Variants in C1QTNF2 observed in about 807,000 individuals in gnomAD.
C1QTNF2 encodes the protein complement C1q tumor necrosis factor-related protein 2.
In C1QTNF2, 15 loss-of-function variants were observed where a neutral mutation model predicts 17.4. The observed-to-expected ratio is 0.86, with a 90% CI of 0.58 to 1.33. The LOEUF (loss-of-function observed/expected upper bound fraction) is 1.33. C1QTNF2 is among the 40% of genes most tolerant of loss of function. The pLI is 0.00. For missense variants in C1QTNF2, 381 were observed against 392.3 expected (o/e 0.97, Z 0.24); for synonymous variants, 154 against 163.3 (o/e 0.94, Z 0.44).
chr5:160,354,783 C>A lies in C1QTNF2; in HGVS notation c.229G>T (p.Asp77Tyr). The change falls in exon 2 of 3, where the codon GAC becomes TAC. Residue 77 changes from aspartate to tyrosine, a missense_variant. Physicochemically the swap from Asp to Tyr is radical, Grantham distance 160. Transcript: ENST00000652664. ...GGCCTCTTACCTTCCTCTCCGCTGT[C>A]CCCCCGGTCGCCGTCGTGTCCATCT... ...GQDGHDGDRG[D>Y]SGEEGPPGRT... 1.2e-6 allele frequency: 2 copies of A among 1,613,478 alleles called. No individual in the cohort carries two copies. Among genetic ancestry groups the A allele is most frequent in the Admixed American group, 1.7e-5 (1 of 59,990 alleles).
rs1328095604 is a variant in C1QTNF2, at chr5:160,347,832, T to G, written c.*1336A>C. ...TGGAGTGCAGTGGCAGGATCTCAGC[T>G]AACTGCAACCTCCACCTCCTGGGTT... On this transcript the variant is annotated 3_prime_UTR_variant, in exon 3 of 3. Coordinates refer to ENST00000652664, the MANE Select transcript of C1QTNF2 (RefSeq NM_031908.6). 1 of 149,916 alleles carries G rather than the reference T, an allele frequency of 6.7e-6. No homozygotes were observed. The highest frequency in any genetic ancestry group is 2.4e-5 in the African/African-American group (1 of 40,844). The allele number at this position is 149,916 out of a possible 1,614,324, so 9.3% of individuals were successfully genotyped here.
chr5:160,349,814 TC>T lies in C1QTNF2; in HGVS notation c.245-34del, dbSNP rs1426794253. 1.3e-6 allele frequency: 2 copies of T among 1,509,114 alleles called. No homozygotes were observed. The highest frequency in any genetic ancestry group is 4.5e-5 in the Admixed American group (2 of 44,242). The allele number at this position is 1,509,114 out of a possible 1,614,324, so 93.5% of individuals were successfully genotyped here. On this transcript the variant is annotated intron_variant, in intron 2 of 2. Transcript: ENST00000652664. This position sits in a 1 kb window ranked among gnomAD's most constrained non-coding sequence, Gnocchi z 4.3. ...ACAGAGCAGCTGGTGTTATGGAGGG[TC>T]CTCACAGACCTAGGCAGAGGGGTGC...
intron 1 of C1QTNF2, among the ~76,000 whole-genome samples, chr5:160,363,428 C>T (rs1272089415): frequency 6.6e-6 from 1 of 152,168 alleles, no homozygotes; most frequent in East Asian, 1.9e-4. Context: ...GACAGGATGC[C>T]TCAGAAAATA....
In C1QTNF2 at chr5:160,364,338, C is replaced by T. The variant is rs1010497249; in HGVS notation, c.-10+6174G>A. ...CTTTACACGTTACTTAATCTCTCCC[C>T]TTCAGTCTCCTCCTCTCCAACATGA... On this transcript the variant is annotated intron_variant, in intron 1 of 2. Transcript: ENST00000652664. Among the ~76,000 whole-genome samples, 6 of 152,304 alleles carry T rather than the reference C, an allele frequency of 3.9e-5. No homozygotes were observed. In the East Asian group the frequency reaches 1.2e-3, roughly 29 times the overall value.
intron 1 of C1QTNF2, among the ~76,000 whole-genome samples, chr5:160,358,973 G>A (rs946099228): frequency 2.6e-5 from 4 of 152,018 alleles, no homozygotes; most frequent in African/African-American, 7.2e-5. Flanking sequence ...TAGAGATGGG[G>A]TCTTGCCATG....
chr5:160,360,796 C>CTTT (rs5872641), intron 1 of C1QTNF2, among the ~76,000 whole-genome samples: 1 of 136,472 alleles, frequency 7.3e-6, no homozygotes. Flanking sequence ...TGGATGAGTT[C>CTTT]TTTTTTTTTT....
At chr5:160,354,597 A>AT (rs769774870) in intron 2 of C1QTNF2, among the ~76,000 whole-genome samples, 171 bp downstream of exon 2, 23 of 89,260 alleles carry the variant, frequency 2.6e-4, no homozygotes, top group East Asian at 3.8e-4. Flanking sequence ...AAAAAAAAAA[A>AT]GTATATATAT....
chr5:160,360,855 C>T (rs544537812), intron 1 of C1QTNF2, among the ~76,000 whole-genome samples: 2 of 147,186 alleles, frequency 1.4e-5, no homozygotes, highest in Admixed American at 6.9e-5. Context: ...AGTGCAGTGG[C>T]GCAATCTCAG....
chr5:160,354,092 C>T (rs1019976073), intron 2 of C1QTNF2, among the ~76,000 whole-genome samples: 5 of 152,108 alleles, frequency 3.3e-5, no homozygotes, highest in Non-Finnish European at 7.3e-5. Flanking sequence ...GTGTGAGCCA[C>T]CGCGCCTGGC....
intron 1 of C1QTNF2, among the ~76,000 whole-genome samples, chr5:160,355,915 G>T (rs1456401027): frequency 6.6e-6 from 1 of 152,146 alleles, no homozygotes; most frequent in African/African-American, 2.4e-5. Flanking sequence ...GACACTCCTG[G>T]TCTACATCAT....
At chr5:160,357,765 G>A (rs978972542) in intron 1 of C1QTNF2, among the ~76,000 whole-genome samples, 2 of 151,838 alleles carry the variant, frequency 1.3e-5, no homozygotes, top group Non-Finnish European at 2.9e-5. Context: ...AGAGCCAGCC[G>A]GACGAGAGAG....
rs1347094517 is a variant in C1QTNF2 at position 160,348,232 on chromosome 5, A to G, written c.*936T>C. On this transcript the variant is annotated 3_prime_UTR_variant, in exon 3 of 3. Transcript: ENST00000652664. Reference sequence around the variant, plus strand: ...CTCATTCATTGAGAAGCGGGCCTGCAAAAGATTAACTAATAATAAAGCGCT... The same window carrying G: ...CTCATTCATTGAGAAGCGGGCCTGCGAAAGATTAACTAATAATAAAGCGCT... 1 of 152,226 alleles carries G rather than the reference A, an allele frequency of 6.6e-6. No homozygotes were observed. Among genetic ancestry groups the G allele is most frequent in the Non-Finnish European group, 1.5e-5 (1 of 68,062 alleles). 9.4% of individuals were successfully genotyped at this position (152,226 alleles called of 1,614,324 possible).
At chr5:160,367,861 G>A (rs1764274591) in intron 1 of C1QTNF2, among the ~76,000 whole-genome samples, 1 of 152,176 alleles carries the variant, frequency 6.6e-6, no homozygotes, top group South Asian at 2.1e-4. Flanking sequence ...TAGAGGAAAA[G>A]AGTAATGATT....
chr5:160,367,769 A>C (rs371449001), intron 1 of C1QTNF2, among the ~76,000 whole-genome samples: 3 of 152,214 alleles, frequency 2.0e-5, no homozygotes, highest in African/African-American at 7.2e-5. Flanking sequence ...CACAGTCCTC[A>C]CCACTCCCAA....
chr5:160,349,896 A>G lies in C1QTNF2; in HGVS notation c.245-115T>C. 7.9e-7 allele frequency: 1 copy of G among 1,262,590 alleles called. No homozygotes were observed. The highest frequency in any genetic ancestry group is 2.5e-5 in the East Asian group (1 of 40,282). The allele number at this position is 1,262,590 out of a possible 1,614,324, so 78.2% of individuals were successfully genotyped here. On this transcript the variant is annotated intron_variant, in intron 2 of 2. Transcript: ENST00000652664. The surrounding 1 kb of genome is among the most constrained non-coding windows in gnomAD (Gnocchi z 4.3). ...GGAGTGCTTGGGTAATAGAAAGAACAAGAAGGCTTTGCAGACATATAGAAG... is the reference window on the plus strand; with the variant it reads ...GGAGTGCTTGGGTAATAGAAAGAACGAGAAGGCTTTGCAGACATATAGAAG...
chr5:160,367,124 C>T (rs1265848305), intron 1 of C1QTNF2, among the ~76,000 whole-genome samples: 2 of 152,042 alleles, frequency 1.3e-5, no homozygotes, highest in Non-Finnish European at 2.9e-5. Flanking sequence ...GAAATTATAG[C>T]CTAGACAAGC....
chr5:160,354,865 T>G lies in C1QTNF2; in HGVS notation c.147A>C (p.Gly49=). The G allele has an allele frequency of 6.2e-7, 1 of 1,609,592 alleles. No homozygotes were observed. Among genetic ancestry groups the G allele is most frequent in the Non-Finnish European group, 8.5e-7 (1 of 1,178,312 alleles). Residue 49 remains glycine (G), a synonymous_variant, in exon 2 of 3, where the codon GGA becomes GGC. Coordinates refer to ENST00000652664, the MANE Select transcript of C1QTNF2 (RefSeq NM_031908.6). ...CCATCATTCCTGAGGGCCCTGGGGC[T>G]CCTGGGGGGCCGGGTGGGCCCTGGG... ...PGPQGPPGPP[G]APGPSGMMGR...
At chr5:160,350,074 A>AGC (rs1184692335) in intron 2 of C1QTNF2, among the ~76,000 whole-genome samples, 2 of 152,204 alleles carry the variant, frequency 1.3e-5, no homozygotes, top group Non-Finnish European at 2.9e-5. Context: ...TCTGTCTGCC[A>AGC]GCTCAATCCT....
At chr5:160,363,319 A>T (rs1421785222) in intron 1 of C1QTNF2, among the ~76,000 whole-genome samples, 1 of 152,212 alleles carries the variant, frequency 6.6e-6, no homozygotes, top group Admixed American at 6.5e-5. Flanking sequence ...GTACTCACGA[A>T]ATGTCCCCTC....
Sources: gnomAD v4.1 joint callset for allele counts (sites outside exome capture counted in the v4.1 genomes callset) on GRCh38, gnomAD v4.1.1 for gene constraint, Gnocchi (gnomAD v3.1) non-coding constraint, MANE v1.5 for transcripts, NCBI Gene and HGNC (gene_info 2026-07-23, HGNC 2026-07-21) for gene names.